RNF126: variants seen among roughly 807,000 people sequenced by gnomAD.
The protein encoded by RNF126 is ring finger protein 126, also known as E3 ubiquitin-protein ligase RNF126.
In RNF126, 20 loss-of-function variants were observed where a neutral mutation model predicts 41.9. The ratio of observed to expected loss-of-function variants is 0.48; its 90% CI spans 0.34 to 0.69. RNF126 has a LOEUF of 0.69. Among genes scored for constraint, RNF126 ranks in the 30% least tolerant of loss-of-function variants. RNF126 has a pLI of 0.01. For synonymous variants in RNF126, 239 were observed against 202.9 expected (o/e 1.18, Z -1.51); for missense variants, 433 against 460.6 (o/e 0.94, Z 0.55).
chr19:648,364 G>GGGGGGGGGGGGGGCCCCCCCCCCCCCCC lies in RNF126; in HGVS notation c.786+7_786+8insGGGGGGGGGGGGGGGCCCCCCCCCCCCC. ...CGGGGTGGGGGGGCGGGTGGGCGGG[G>GGGGGGGGGGGGGGCCCCCCCCCCCCCCC]CACTCACCTGCTCCAGCCAGGGCAC... On this transcript the variant is annotated splice_region_variant and intron_variant, in intron 8 of 8. Transcript: ENST00000292363. The GGGGGGGGGGGGGGCCCCCCCCCCCCCCC allele has an allele frequency of 2.0e-6, 1 of 510,486 alleles. No homozygotes were observed. The highest frequency in any genetic ancestry group is 3.6e-6 in the Non-Finnish European group (1 of 278,356). 31.6% of individuals were successfully genotyped at this position (510,486 alleles called of 1,614,324 possible).
intron 1 of RNF126, among the ~76,000 whole-genome samples, chr19:655,495 G>GA (rs1402167556): frequency 1.3e-5 from 2 of 150,496 alleles, no homozygotes; most frequent in East Asian, 3.9e-4. Flanking sequence ...CAAAAAAAAA[G>GA]AAAAGTGGGG....
chr19:662,405 C>T (rs1212933640), intron 1 of RNF126, among the ~76,000 whole-genome samples: 2 of 152,330 alleles, frequency 1.3e-5, no homozygotes, highest in South Asian at 4.1e-4. Context: ...CGCAGCCAAG[C>T]CCCGGGAGGG....
chr19:651,891 A>G (rs372324827), intron 3 of RNF126, 36 bp from the exon 4 acceptor site: 20 of 1,573,750 alleles, frequency 1.3e-5, no homozygotes, highest in Non-Finnish European at 1.6e-5. Flanking sequence ...TCGGGGGCTC[A>G]GGCCCGTGCA....
chr19:651,387 G>A (rs1246902440), intron 4 of RNF126: 16 of 407,188 alleles, frequency 3.9e-5, no homozygotes, highest in Non-Finnish European at 6.4e-5. Flanking sequence ...GCAGGCACAC[G>A]GTGCCCCACT....
At chr19:658,630 A>T (rs2144774449) in intron 1 of RNF126, among the ~76,000 whole-genome samples, 1 of 152,146 alleles carries the variant, frequency 6.6e-6, no homozygotes, top group African/African-American at 2.4e-5. Context: ...CTGCCACCAC[A>T]TCCCACATTC....
At chr19:656,672 G>A (rs903055318) in intron 1 of RNF126, among the ~76,000 whole-genome samples, 5 of 152,126 alleles carry the variant, frequency 3.3e-5, no homozygotes, top group Admixed American at 3.3e-4. Flanking sequence ...AAAGGGAAAG[G>A]GGAAGGGGAA....
chr19:647,860 A>T lies in RNF126; in HGVS notation c.*268T>A, dbSNP rs2030026949. On this transcript the variant is annotated 3_prime_UTR_variant, in exon 9 of 9. Transcript: ENST00000292363. ...AAGCAGTAATAATTTAAAATTATAA[A>T]AATCTTTCCACCGCTGAACGTTTAG... 3 of 624,258 alleles carry T rather than the reference A, an allele frequency of 4.8e-6. No individual in the cohort carries two copies. The East Asian group carries it at 9.4e-5, about 20-fold the overall frequency. 38.7% of individuals were successfully genotyped at this position (624,258 alleles called of 1,614,324 possible). A position where few individuals can be genotyped will look rare whatever the true frequency, so the allele number is the denominator to read the frequency against.
At chr19:660,401 C>T (rs2030747826) in intron 1 of RNF126, among the ~76,000 whole-genome samples, 1 of 152,240 alleles carries the variant, frequency 6.6e-6, no homozygotes, top group Non-Finnish European at 1.5e-5. Context: ...GGCACACAGC[C>T]CATGGCAGCC....
In RNF126 at chr19:651,535, C is replaced by T. The variant is rs376880970; in HGVS notation, c.443+76G>A. 489 of 1,330,272 alleles carry T rather than the reference C, an allele frequency of 3.7e-4. 1 individual carries two copies. Among genetic ancestry groups the T allele is most frequent in the South Asian group, 6.2e-4 (35 of 56,594 alleles). 82.4% of individuals were successfully genotyped at this position (1,330,272 alleles called of 1,614,324 possible). Reference sequence around the variant, plus strand: ...GATGATGCCACGTTTCCGTGGAACCCGTGCTGGATTCTAAGCGCCAGAACT... The same window carrying T: ...GATGATGCCACGTTTCCGTGGAACCTGTGCTGGATTCTAAGCGCCAGAACT... On this transcript the variant is annotated intron_variant, in intron 4 of 8. Transcript: ENST00000292363.
chr19:647,617 T>C lies in RNF126; in HGVS notation c.*511A>G, dbSNP rs577862798. The stretch of plus-strand genomic sequence containing the variant: ...CTGTTGGAGCAGTTTTGTTCTTGAA[T>C]TTTGCTGGTCATCCTCATGGTCCCG... On this transcript the variant is annotated 3_prime_UTR_variant, in exon 9 of 9. Transcript: ENST00000292363. The C allele has an allele frequency of 1.8e-5, 3 of 164,872 alleles. No homozygotes were observed. Among genetic ancestry groups the C allele is most frequent in the Admixed American group, 1.7e-4 (3 of 17,164 alleles). 10.2% of individuals were successfully genotyped at this position (164,872 alleles called of 1,614,324 possible).
chr19:648,872 G>C lies in RNF126; in HGVS notation c.670+10C>G. 7.0e-7 allele frequency: 1 copy of C among 1,437,404 alleles called. No individual in the cohort carries two copies. Among genetic ancestry groups the C allele is most frequent in the Non-Finnish European group, 9.2e-7 (1 of 1,085,988 alleles). The allele number at this position is 1,437,404 out of a possible 1,614,324, so 89.0% of individuals were successfully genotyped here. ...TAATTCCCACTACTCGGGAGGCTGAGCTCTCATACCTACGTGCTCCTCAGT... is the reference window on the plus strand; with the variant it reads ...TAATTCCCACTACTCGGGAGGCTGACCTCTCATACCTACGTGCTCCTCAGT... On this transcript the variant is annotated intron_variant, in intron 7 of 8. Coordinates refer to ENST00000292363, the MANE Select transcript of RNF126 (RefSeq NM_194460.3).
chr19:658,745 C>T (rs955099889), intron 1 of RNF126, among the ~76,000 whole-genome samples: 1 of 152,216 alleles, frequency 6.6e-6, no homozygotes, highest in Non-Finnish European at 1.5e-5. Context: ...GGCCCCGCCT[C>T]ACACCCCAGG....
rs1412790490 is a variant in RNF126, at chr19:663,150, GC to G, written c.-30del. 1.7e-5 allele frequency: 19 copies of G among 1,133,968 alleles called. No individual in the cohort carries two copies. The highest frequency in any genetic ancestry group is 2.0e-5 in the Non-Finnish European group (18 of 913,968). The allele number at this position is 1,133,968 out of a possible 1,614,324, so 70.2% of individuals were successfully genotyped here. On this transcript the variant is annotated 5_prime_UTR_variant, in exon 1 of 9. Coordinates refer to ENST00000292363, the MANE Select transcript of RNF126 (RefSeq NM_194460.3). Reference sequence around the variant, plus strand: ...CGCCGCCACCTACTCCGCGCCGCCCGCCCCCCGCGCGGCACCCGCCGCCGGC... The same window carrying G: ...CGCCGCCACCTACTCCGCGCCGCCCGCCCCCGCGCGGCACCCGCCGCCGGC...
intron 6 of RNF126, 39 bp downstream of exon 6, chr19:649,640 C>T (rs776694741): frequency 1.3e-6 from 2 of 1,523,790 alleles, no homozygotes; most frequent in African/African-American, 1.4e-5. Context: ...CAGCCCAGCC[C>T]TCCCCCAGCA....
chr19:647,767 G>T lies in RNF126; in HGVS notation c.*361C>A. 2.8e-6 allele frequency: 1 copy of T among 353,054 alleles called. No individual in the cohort carries two copies. The highest frequency in any genetic ancestry group is 2.1e-5 in the South Asian group (1 of 46,578). The allele number at this position is 353,054 out of a possible 1,614,324, so 21.9% of individuals were successfully genotyped here. A position where few individuals can be genotyped will look rare whatever the true frequency, so the allele number is the denominator to read the frequency against. Reference sequence around the variant, plus strand: ...CCCGTGCTTCAGCGCTGGGGGAGCCGCTGGGCCCCGTCTTCCGCCACAAAC... The same window carrying T: ...CCCGTGCTTCAGCGCTGGGGGAGCCTCTGGGCCCCGTCTTCCGCCACAAAC... On this transcript the variant is annotated 3_prime_UTR_variant, in exon 9 of 9. Coordinates refer to ENST00000292363, the MANE Select transcript of RNF126 (RefSeq NM_194460.3).
At chr19:651,507 A>G (rs533158023) in intron 4 of RNF126, 104 bp downstream of exon 4, 2 of 1,211,958 alleles carry the variant, frequency 1.7e-6, no homozygotes, top group South Asian at 1.9e-5. Flanking sequence ...CAGAGAGCCT[A>G]TGGATGATGC....
Position 648,097 on chromosome 19 carries a change from G to A in RNF126, c.*31C>T. On this transcript the variant is annotated 3_prime_UTR_variant, in exon 9 of 9. Transcript: ENST00000292363. ...CGCTGGCTGAGGGTGGGTGGGAAAG[G>A]CCCCGTGCTTTCCCGACGGCCGACG... 1 of 1,536,374 alleles carries A rather than the reference G, an allele frequency of 6.5e-7. No homozygotes were observed. The highest frequency in any genetic ancestry group is 8.8e-7 in the Non-Finnish European group (1 of 1,138,886).
At chr19:652,763 C>A in intron 2 of RNF126, 63 bp downstream of exon 2, 1 of 1,496,278 alleles carries the variant, frequency 6.7e-7, no homozygotes, top group Non-Finnish European at 9.3e-7. Context: ...GCACAGCCCA[C>A]ACCCCTACAA....
intron 1 of RNF126, among the ~76,000 whole-genome samples, 155 bp from the exon 2 acceptor site, chr19:653,039 C>T (rs1224724878): frequency 1.3e-5 from 2 of 152,200 alleles, no homozygotes; most frequent in African/African-American, 4.8e-5. Flanking sequence ...TCCTGGAGGG[C>T]GGCCGAGGGG....
Sources: allele counts gnomAD v4.1 joint callset (sites outside exome capture counted in the v4.1 genomes callset), GRCh38; gene constraint gnomAD v4.1.1; transcripts MANE v1.5; gene names NCBI Gene and HGNC (gene_info 2026-07-23, HGNC 2026-07-21).